The following CHD7 variants were observed in gnomAD, a reference collection of about 807,000 sequenced individuals.
CHD7 encodes ATP-dependent chromatin remodeler CHD7.
A neutral mutation model predicts 307.3 loss-of-function variants in CHD7; 24 were observed. The observed-to-expected ratio is 0.08, with a 90% CI of 0.06 to 0.11. The LOEUF (loss-of-function observed/expected upper bound fraction) is 0.11, where lower values mean the gene tolerates loss of function less well. Ranked by LOEUF, CHD7 falls within the 10% of genes least tolerant of loss-of-function variation. CHD7 has a pLI of 1.00. For missense variants in CHD7, 3,106 were observed against 3,727.1 expected (o/e 0.83, Z 4.34); for synonymous variants, 1,363 against 1,349.9 (o/e 1.01, Z -0.21).
intron 3 of CHD7, among the ~76,000 whole-genome samples, chr8:60,787,488 A>G (rs958810026): frequency 6.6e-6 from 1 of 152,166 alleles, no homozygotes; most frequent in Non-Finnish European, 1.5e-5. Flanking sequence ...TTTTTTATAT[A>G]GTTTTGTAGT....
chr8:60,759,101 AG>A (rs1424775779), intron 2 of CHD7, among the ~76,000 whole-genome samples: 1 of 152,192 alleles, frequency 6.6e-6, no homozygotes, highest in Non-Finnish European at 1.5e-5. Context: ...GGGACCCCTG[AG>A]GGTCCACAGA....
At chr8:60,726,823 A>C (rs918348192) in intron 1 of CHD7, among the ~76,000 whole-genome samples, 2 of 152,144 alleles carry the variant, frequency 1.3e-5, no homozygotes, top group Middle Eastern at 3.2e-3. Flanking sequence ...AAGCACATCC[A>C]CTGCTGATTT....
chr8:60,861,909 C>T (rs1199500092), intron 35 of CHD7: 1 of 218,652 alleles, frequency 4.6e-6, no homozygotes, highest in African/African-American at 2.3e-5. Flanking sequence ...CAGAAAGCCT[C>T]CTTTAAAAGT....
At chr8:60,837,381 C>T (rs1188096547) in intron 17 of CHD7, among the ~76,000 whole-genome samples, 1 of 152,138 alleles carries the variant, frequency 6.6e-6, no homozygotes, top group East Asian at 1.9e-4. Flanking sequence ...AGTCCAAAAT[C>T]AGAGTGCCAG....
intron 3 of CHD7, among the ~76,000 whole-genome samples, chr8:60,781,922 G>A (rs1283062127): frequency 6.6e-6 from 1 of 152,122 alleles, no homozygotes; most frequent in Non-Finnish European, 1.5e-5. Flanking sequence ...AGTGAGCAGC[G>A]CAAGAGAAAT....
intron 4 of CHD7, among the ~76,000 whole-genome samples, chr8:60,798,299 A>T (rs1216873370): frequency 6.6e-6 from 1 of 151,786 alleles, no homozygotes; most frequent in African/African-American, 2.4e-5. Flanking sequence ...CCATGTCACT[A>T]CTCCCTCCAT....
At chr8:60,800,546 A>T (rs1437374384) in intron 5 of CHD7, 21 bp downstream of exon 5, 1 of 1,570,298 alleles carries the variant, frequency 6.4e-7, no homozygotes, top group East Asian at 2.3e-5. Context: ...GATCTGTGGG[A>T]TTTATGGATG....
intron 1 of CHD7, among the ~76,000 whole-genome samples, chr8:60,707,259 G>A (rs1807067984): frequency 6.6e-6 from 1 of 152,126 alleles, no homozygotes. Flanking sequence ...TGCAAATATT[G>A]ACAAAACTAG....
chr8:60,864,972 T>C, intron 37 of CHD7, 44 bp from the exon 38 acceptor site: 1 of 1,529,184 alleles, frequency 6.5e-7, no homozygotes, highest in South Asian at 1.2e-5. Context: ...TCAAGTTGTC[T>C]TCGACAGCCT....
chr8:60,772,454 C>A (rs765719466), intron 2 of CHD7, among the ~76,000 whole-genome samples: 1 of 152,196 alleles, frequency 6.6e-6, no homozygotes. Context: ...TTTCTTCTTT[C>A]CAGTTTAAAG....
intron 4 of CHD7, among the ~76,000 whole-genome samples, chr8:60,798,400 T>C (rs1397053164): frequency 6.6e-6 from 1 of 152,240 alleles, no homozygotes; most frequent in African/African-American, 2.4e-5. Context: ...CAGCTGTGTG[T>C]GGCTTGGAGC....
intron 1 of CHD7, among the ~76,000 whole-genome samples, chr8:60,691,428 T>C (rs533533646): frequency 8.2e-4 from 125 of 152,336 alleles, no homozygotes; most frequent in Non-Finnish European, 1.4e-3. Context: ...AATTCATATA[T>C]TTATACAGTT....
Position 60,852,620 on chromosome 8 carries a change from A to G in CHD7, c.6017A>G (p.Lys2006Arg). 1 of 1,614,010 alleles carries G rather than the reference A, an allele frequency of 6.2e-7. No individual in the cohort carries two copies. Among genetic ancestry groups the G allele is most frequent in the Non-Finnish European group, 8.5e-7 (1 of 1,179,896 alleles). Residue 2006 changes from lysine to arginine, a missense_variant, in exon 30 of 38, where the codon AAA (lysine) becomes AGA (arginine). Physicochemically the swap from Lys to Arg is conservative, Grantham distance 26 (BLOSUM62 2). Coordinates refer to ENST00000423902, the MANE Select transcript of CHD7 (RefSeq NM_017780.4). ...QFRAFARLDK[K>R]SDESLEKYFS... ...AGAGCCTTTGCCAGGCTTGACAAAA[A>G]ATCTGATGAGAGTTTGGAGAAATAC...
At chr8:60,849,230 TC>T (rs1805346945) in intron 25 of CHD7, 76 bp downstream of exon 25, 4 of 890,266 alleles carry the variant, frequency 4.5e-6, no homozygotes, top group Non-Finnish European at 7.1e-6. Flanking sequence ...CATACTCTTT[TC>T]CAAAGTCATA....
intron 2 of CHD7, among the ~76,000 whole-genome samples, chr8:60,772,127 A>AG (rs1434508126): frequency 2.6e-5 from 4 of 152,220 alleles, no homozygotes; most frequent in Admixed American, 1.3e-4. Flanking sequence ...GTCATTAAGC[A>AG]ATTATTGAAA....
At position 60,853,499 on chromosome 8, in the gene CHD7, A is replaced by T; in HGVS notation, c.6774A>T (p.Glu2258Asp). 6.6e-7 allele frequency: 1 copy of T among 1,510,696 alleles called. No individual in the cohort carries two copies. The highest frequency in any genetic ancestry group is 8.8e-7 in the Non-Finnish European group (1 of 1,131,226). 93.6% of individuals were successfully genotyped at this position (1,510,696 alleles called of 1,614,324 possible). ...AGTCGGAAGAGTCTTCCCAGCCCGA[A>T]GGTAAGGCCTTACCACTGGCCCCTC... ...DDKSEESSQPEAGAVSRGKNF... is the reference protein window; with the variant it reads ...DDKSEESSQPDAGAVSRGKNF... The change falls in exon 31 of 38, where the codon GAA becomes GAT. Residue 2258 changes from glutamate (E) to aspartate (D), a missense_variant and splice_region_variant. Transcript: ENST00000423902.
At chr8:60,688,626 A>G in intron 1 of CHD7, among the ~76,000 whole-genome samples, 1 of 152,196 alleles carries the variant, frequency 6.6e-6, no homozygotes, top group Non-Finnish European at 1.5e-5. Context: ...CCCAGGTACT[A>G]AAAGTGACAG....
chr8:60,735,479 A>AT (rs1268974000), intron 1 of CHD7, among the ~76,000 whole-genome samples: 1 of 152,180 alleles, frequency 6.6e-6, no homozygotes, highest in Non-Finnish European at 1.5e-5. Flanking sequence ...AGGACTTCAC[A>AT]TACTTCTTTT....
intron 2 of CHD7, among the ~76,000 whole-genome samples, chr8:60,765,250 C>T (rs1810413092): frequency 6.6e-6 from 1 of 151,438 alleles, no homozygotes; most frequent in African/African-American, 2.4e-5. Flanking sequence ...TGCATGCACA[C>T]ACACATGTAT....
Sources: gnomAD v4.1 joint callset for allele counts (sites outside exome capture counted in the v4.1 genomes callset) on GRCh38, gnomAD v4.1.1 for gene constraint, MANE v1.5 for transcripts, NCBI Gene and HGNC (gene_info 2026-07-23, HGNC 2026-07-21) for gene names.